Variants in DCC observed in about 807,000 individuals in gnomAD.
The protein encoded by DCC is DCC netrin 1 receptor.
In DCC, 58 loss-of-function variants were observed where a neutral mutation model predicts 172.5. The observed-to-expected ratio is 0.34, with a 90% CI of 0.27 to 0.42. DCC has a LOEUF of 0.42. Among genes scored for constraint, DCC ranks in the 10% least tolerant of loss-of-function variants. The pLI is 1.00. For missense variants in DCC, 1,740 were observed against 1,791.0 expected, an observed-to-expected ratio of 0.97 and a Z score of 0.51; for synonymous variants, 709 against 644.5, an observed-to-expected ratio of 1.10 and a Z score of -1.52.
chr18:53,313,641 T>C (rs1162763169), intron 13 of DCC, among the ~76,000 whole-genome samples: 2 of 152,192 alleles, frequency 1.3e-5, no homozygotes, highest in Non-Finnish European at 2.9e-5. Context: ...AATAATAGAA[T>C]CATCAATTTT....
At chr18:52,403,822 G>C (rs1195411878) in intron 1 of DCC, among the ~76,000 whole-genome samples, 1 of 152,042 alleles carries the variant, frequency 6.6e-6, no homozygotes, top group African/African-American at 2.4e-5. Context: ...CTTGATGCCA[G>C]CCCTAGTGCT....
intron 3 of DCC, among the ~76,000 whole-genome samples, chr18:52,907,343 TATATC>T (rs1424380267): frequency 1.3e-5 from 2 of 150,520 alleles, no homozygotes; most frequent in African/African-American, 4.9e-5. Flanking sequence ...GATATATACA[TATATC>T]ATGTATATAT....
chr18:52,782,360 T>C (rs935775567), intron 2 of DCC, among the ~76,000 whole-genome samples: 1 of 151,286 alleles, frequency 6.6e-6, no homozygotes, highest in Non-Finnish European at 1.5e-5. Context: ...CCTTTCATGA[T>C]TCTGAGACAC....
chr18:53,012,331 T>C (rs1218017073), intron 5 of DCC, among the ~76,000 whole-genome samples: 1 of 151,966 alleles, frequency 6.6e-6, no homozygotes, highest in African/African-American at 2.4e-5. Flanking sequence ...GAGTCAAAAA[T>C]AGAATACTGA....
At chr18:52,851,841 C>A (rs1163294997) in intron 2 of DCC, among the ~76,000 whole-genome samples, 1 of 152,084 alleles carries the variant, frequency 6.6e-6, no homozygotes, top group African/African-American at 2.4e-5. Flanking sequence ...ATGGGAATTG[C>A]TGTTTAAACA....
chr18:53,454,212 G>T (rs1489725427), intron 23 of DCC, among the ~76,000 whole-genome samples: 1 of 152,128 alleles, frequency 6.6e-6, no homozygotes, highest in Non-Finnish European at 1.5e-5. Flanking sequence ...AGATATGGTG[G>T]TGCTTACCTG....
At chr18:52,811,979 G>A (rs1298808799) in intron 2 of DCC, among the ~76,000 whole-genome samples, 1 of 152,064 alleles carries the variant, frequency 6.6e-6, no homozygotes, top group East Asian at 1.9e-4. Context: ...TCTTTCAAAA[G>A]GCAACTTTTA....
intron 5 of DCC, among the ~76,000 whole-genome samples, chr18:52,958,845 T>C (rs151045408): frequency 0.014 from 2,072 of 152,192 alleles, 62 homozygotes; most frequent in African/African-American, 0.048. Flanking sequence ...GCTCTGAAAG[T>C]GGTTGAAGCT....
intron 16 of DCC, among the ~76,000 whole-genome samples, 169 bp from the exon 17 acceptor site, chr18:53,391,486 T>C (rs1908540782): frequency 1.3e-5 from 2 of 152,242 alleles, no homozygotes; most frequent in African/African-American, 4.8e-5. Context: ...GTTTCTAATG[T>C]GTTTTCCGAT....
At chr18:52,639,197 C>T (rs757505637) in intron 1 of DCC, among the ~76,000 whole-genome samples, 5 of 152,048 alleles carry the variant, frequency 3.3e-5, no homozygotes, top group African/African-American at 4.8e-5. Flanking sequence ...TAAATACCTA[C>T]ATCAGAAAGA....
chr18:53,479,205 C>T (rs1038846648), intron 25 of DCC, among the ~76,000 whole-genome samples: 1 of 152,152 alleles, frequency 6.6e-6, no homozygotes, highest in African/African-American at 2.4e-5. Flanking sequence ...ATCTCATTAC[C>T]TAATACATGA....
intron 12 of DCC, among the ~76,000 whole-genome samples, chr18:53,287,242 G>T (rs1324016223): frequency 6.6e-6 from 1 of 152,102 alleles, no homozygotes; most frequent in Non-Finnish European, 1.5e-5. Flanking sequence ...ACACTATGTG[G>T]TCTTTCATGA....
rs147259208 is a variant in DCC at position 52,801,299 on chromosome 18, G to C, written c.412+48925G>C. 4.8e-3 allele frequency among the ~76,000 whole-genome samples: 730 copies of C among 152,250 alleles called. 8 individuals are homozygous for C. The highest frequency in any genetic ancestry group is 0.016 in the African/African-American group (671 of 41,536). On this transcript the variant is annotated intron_variant, in intron 2 of 28. Transcript: ENST00000442544. ...CCTCTTCAAGAAGTCATGTCTTTTA[G>C]TGATAACCATAACCACAACTACAAC...
intron 5 of DCC, among the ~76,000 whole-genome samples, chr18:52,932,143 TA>T (rs2040315878): frequency 6.6e-6 from 1 of 152,126 alleles, no homozygotes; most frequent in South Asian, 2.1e-4. Context: ...TGACTACTTG[TA>T]TTATTTATTT....
chr18:52,560,244 TAAATC>T (rs1256877236), intron 1 of DCC, among the ~76,000 whole-genome samples: 1 of 152,196 alleles, frequency 6.6e-6, no homozygotes, highest in Non-Finnish European at 1.5e-5. Context: ...AGTATGTAAA[TAAATC>T]AGTATGTTTG....
intron 8 of DCC, among the ~76,000 whole-genome samples, chr18:53,166,147 C>T (rs1322170261): frequency 2.0e-5 from 3 of 152,072 alleles, no homozygotes; most frequent in African/African-American, 4.8e-5. Flanking sequence ...ATGCATTGCA[C>T]ATGAATGGTG....
At chr18:53,146,689 C>T (rs925811557) in intron 7 of DCC, among the ~76,000 whole-genome samples, 2 of 152,198 alleles carry the variant, frequency 1.3e-5, no homozygotes, top group Non-Finnish European at 2.9e-5. Context: ...ACTGATTATA[C>T]ATACCACTTA....
intron 7 of DCC, among the ~76,000 whole-genome samples, chr18:53,111,593 T>G (rs1419416158): frequency 6.6e-6 from 1 of 151,526 alleles, no homozygotes; most frequent in Non-Finnish European, 1.5e-5. Flanking sequence ...AGTCTGCCTT[T>G]CAACAATACA....
At chr18:53,301,434 C>CAA (rs61512849) in intron 12 of DCC, among the ~76,000 whole-genome samples, 6 of 150,284 alleles carry the variant, frequency 4.0e-5, no homozygotes, top group Non-Finnish European at 7.4e-5. Context: ...TCTACCACCT[C>CAA]AAAAAAAAAA....
Sources: allele counts gnomAD v4.1 joint callset (sites outside exome capture counted in the v4.1 genomes callset), GRCh38; gene constraint gnomAD v4.1.1; transcripts MANE v1.5; gene names NCBI Gene and HGNC (gene_info 2026-07-23, HGNC 2026-07-21).